Variants in HNF4G observed in about 807,000 individuals in gnomAD.
The protein encoded by HNF4G is hepatocyte nuclear factor 4 gamma.
Under a neutral mutation model 50.9 loss-of-function variants are expected in HNF4G, and 21 were observed. That is an observed-to-expected ratio of 0.41 (90% CI 0.29 to 0.59). The LOEUF is 0.59. Ranked by LOEUF, HNF4G falls within the 20% of genes least tolerant of loss-of-function variation. The pLI is 0.26. For missense variants in HNF4G, 527 were observed against 559.4 expected, an observed-to-expected ratio of 0.94 and a Z score of 0.58; for synonymous variants, 198 against 185.6, an observed-to-expected ratio of 1.07 and a Z score of -0.54.
intron 1 of HNF4G, among the ~76,000 whole-genome samples, chr8:75,489,692 T>A (rs1001922618): frequency 1.3e-5 from 2 of 152,204 alleles, no homozygotes; most frequent in Non-Finnish European, 2.9e-5. Flanking sequence ...AGGTGCAAAC[T>A]AAAAGGGAGT....
At chr8:75,562,348 G>GA (rs940705311) in intron 9 of HNF4G, among the ~76,000 whole-genome samples, 9 of 152,110 alleles carry the variant, frequency 5.9e-5, no homozygotes, top group Admixed American at 3.3e-4. Context: ...AAATTGTTAG[G>GA]AAAAAATATA....
intron 2 of HNF4G, among the ~76,000 whole-genome samples, chr8:75,521,051 T>C (rs949168503): frequency 5.3e-5 from 8 of 152,180 alleles, no homozygotes; most frequent in African/African-American, 1.7e-4. Context: ...GTTGCCCAAT[T>C]CTTAATTAAA....
In HNF4G at chr8:75,444,154, C is replaced by A. The variant is rs868219408; in HGVS notation, c.-144+35992C>A. Among the ~76,000 whole-genome samples the A allele has an allele frequency of 2.0e-5, 3 of 151,884 alleles. No individual in the cohort carries two copies. In the East Asian group the frequency reaches 5.8e-4, roughly 30 times the overall value. On this transcript the variant is annotated intron_variant, in intron 1 of 10. Coordinates refer to the HNF4G transcript ENST00000354370. ...TTCTTAAAGAAAAGAATTTTCAACCCAGAATTTCATATCCAGCCAAACTAA... is the reference window on the plus strand; with the variant it reads ...TTCTTAAAGAAAAGAATTTTCAACCAAGAATTTCATATCCAGCCAAACTAA...
At chr8:75,512,907 G>C (rs1459287981) in intron 2 of HNF4G, among the ~76,000 whole-genome samples, 1 of 151,966 alleles carries the variant, frequency 6.6e-6, no homozygotes, top group Non-Finnish European at 1.5e-5. Context: ...TATGACTTTT[G>C]GTTTATGTTC....
At chr8:75,412,741 A>C (rs1374891036) in intron 1 of HNF4G, among the ~76,000 whole-genome samples, 1 of 151,076 alleles carries the variant, frequency 6.6e-6, no homozygotes, top group Non-Finnish European at 1.5e-5. Flanking sequence ...GCATTTTCTT[A>C]TTTCAGACAT....
intron 2 of HNF4G, among the ~76,000 whole-genome samples, chr8:75,503,554 T>A (rs1353560999): frequency 1.3e-5 from 2 of 152,228 alleles, no homozygotes; most frequent in East Asian, 3.9e-4. Context: ...TGTGTCACAA[T>A]CATTGTTGTT....
At chr8:75,440,995 C>T (rs1170155194) in intron 1 of HNF4G, among the ~76,000 whole-genome samples, 1 of 152,092 alleles carries the variant, frequency 6.6e-6, no homozygotes, top group African/African-American at 2.4e-5. Context: ...GCTGGGATTA[C>T]AGGCAGGCAC....
At chr8:75,474,430 A>AT (rs1476312575) in intron 1 of HNF4G, among the ~76,000 whole-genome samples, 2 of 152,164 alleles carry the variant, frequency 1.3e-5, no homozygotes, top group Admixed American at 6.6e-5. Context: ...CACTCTCCAT[A>AT]TTATGGCTAA....
At chr8:75,409,217 T>C (rs1810435294) in intron 1 of HNF4G, among the ~76,000 whole-genome samples, 1 of 152,138 alleles carries the variant, frequency 6.6e-6, no homozygotes, top group South Asian at 2.1e-4. Flanking sequence ...CTTTTCAAAA[T>C]GGAGTGGAAA....
chr8:75,538,304 C>T (rs912180060), upstream of HNF4G, among the ~76,000 whole-genome samples: 13 of 152,318 alleles, frequency 8.5e-5, no homozygotes, highest in East Asian at 1.7e-3. Flanking sequence ...GGATCCGGTA[C>T]TGTCACCCGC....
chr8:75,512,441 T>C (rs1391343611), intron 2 of HNF4G, among the ~76,000 whole-genome samples: 1 of 104,222 alleles, frequency 9.6e-6, no homozygotes, highest in East Asian at 2.3e-4. Flanking sequence ...ATTATTATTA[T>C]TACTATTACT....
At chr8:75,475,135 G>A (rs1003436172) in intron 1 of HNF4G, among the ~76,000 whole-genome samples, 18 of 151,800 alleles carry the variant, frequency 1.2e-4, no homozygotes, top group African/African-American at 3.1e-4. Flanking sequence ...TCAGCCTCCC[G>A]AGTAGCTGAG....
chr8:75,439,965 C>T (rs948034181), intron 1 of HNF4G, among the ~76,000 whole-genome samples: 4 of 151,656 alleles, frequency 2.6e-5, no homozygotes, highest in Non-Finnish European at 5.9e-5. Context: ...TTTCCAGTTT[C>T]CACATACAGT....
chr8:75,544,690 C>T (rs530442527), intron 2 of HNF4G, among the ~76,000 whole-genome samples: 14 of 151,090 alleles, frequency 9.3e-5, no homozygotes, highest in South Asian at 8.4e-4. Flanking sequence ...CATCATAACA[C>T]GATTTAAGTA....
At chr8:75,526,257 T>C (rs1426727236) in intron 2 of HNF4G, among the ~76,000 whole-genome samples, 1 of 151,656 alleles carries the variant, frequency 6.6e-6, no homozygotes, top group Non-Finnish European at 1.5e-5. Flanking sequence ...ACCTCCCGAG[T>C]AGCTGTGACC....
chr8:75,540,062 A>C lies in HNF4G; in HGVS notation c.100A>C (p.Ile34Leu), dbSNP rs756444103. The change falls in exon 1 of 10, where the codon ATT (isoleucine) becomes CTT (leucine). Residue 34 changes from isoleucine (I) to leucine (L), a missense_variant. Ile to Leu is a conservative substitution (Grantham distance 5). Transcript: ENST00000396423. ...YTTLEFETMQ[I>L]LYNSSDSSAP... is the part of the protein sequence containing the mutation. ...AACTTTGGAGTTTGAAACTATGCAG[A>C]TTCTATATAATTCAAGTGGTGAGTT... 3.2e-6 allele frequency: 5 copies of C among 1,569,838 alleles called. No homozygotes were observed. The highest frequency in any genetic ancestry group is 4.4e-6 in the Non-Finnish European group (5 of 1,140,106).
At chr8:75,422,045 G>A (rs990102048) in intron 1 of HNF4G, among the ~76,000 whole-genome samples, 3 of 152,086 alleles carry the variant, frequency 2.0e-5, no homozygotes, top group African/African-American at 7.2e-5. Context: ...AGAACTTTAG[G>A]GGAAAGATAA....
chr8:75,497,692 C>CA (rs61425612), intron 2 of HNF4G, among the ~76,000 whole-genome samples: 1,459 of 140,384 alleles, frequency 0.01, 10 homozygotes, highest in Non-Finnish European at 0.015. Flanking sequence ...TCCACCCCCT[C>CA]AAAAAAAAAA....
At chr8:75,426,964 G>T (rs1810905530) in intron 1 of HNF4G, among the ~76,000 whole-genome samples, 1 of 152,102 alleles carries the variant, frequency 6.6e-6, no homozygotes, top group African/African-American at 2.4e-5. Context: ...GCAATAATCA[G>T]ATTTAAACAT....
Sources: gnomAD v4.1 joint callset for allele counts (sites outside exome capture counted in the v4.1 genomes callset) on GRCh38, gnomAD v4.1.1 for gene constraint, MANE v1.5 for transcripts, NCBI Gene and HGNC (gene_info 2026-07-23, HGNC 2026-07-21) for gene names.